The following OVCH1 variants were observed in gnomAD, a reference collection of about 807,000 sequenced individuals.
OVCH1 encodes the protein ovochymase-1.
OVCH1 carries 139 observed loss-of-function variants against 138.4 expected under a neutral mutation model. The ratio of observed to expected loss-of-function variants is 1.00; its 90% CI spans 0.87 to 1.16. The LOEUF (loss-of-function observed/expected upper bound fraction) is 1.16. OVCH1 is among the 50% of genes most tolerant of loss of function. OVCH1 has a pLI of 0.00. For missense variants in OVCH1, 1,367 were observed against 1,357.9 expected, an observed-to-expected ratio of 1.01 and a Z score of -0.11; for synonymous variants, 453 against 467.8, an observed-to-expected ratio of 0.97 and a Z score of 0.41.
At chr12:29,485,309 C>T (rs1338045417) in intron 8 of OVCH1, among the ~76,000 whole-genome samples, 3 of 133,284 alleles carry the variant, frequency 2.3e-5, no homozygotes, top group Non-Finnish European at 4.7e-5. Flanking sequence ...AGAACAAGAC[C>T]CAGTCTTTAA....
exon 26 of OVCH1, chr12:29,439,336 T>C: frequency 3.3e-6 from 5 of 1,525,028 alleles, no homozygotes; most frequent in Non-Finnish European, 4.4e-6. Flanking sequence ...ACCACTGAAT[T>C]TTCCCATATA....
intron 26 of OVCH1, chr12:29,433,905 G>A (rs1024353420): frequency 3.5e-5 from 40 of 1,138,530 alleles, no homozygotes; most frequent in Admixed American, 4.1e-5. Flanking sequence ...AAGGTAAAAT[G>A]GGCAGTAAAG....
At chr12:29,464,773 G>A (rs1942259759) in intron 17 of OVCH1, 71 bp from the exon 18 acceptor site, 1 of 1,343,144 alleles carries the variant, frequency 7.4e-7, no homozygotes, top group African/African-American at 1.5e-5. Context: ...CTTGTTGATG[G>A]TCCAAAATAA....
At chr12:29,479,677 T>C (rs1196611439) in intron 8 of OVCH1, among the ~76,000 whole-genome samples, 1 of 152,198 alleles carries the variant, frequency 6.6e-6, no homozygotes, top group Non-Finnish European at 1.5e-5. Context: ...CAGCAGTCTT[T>C]ACCTTAGACC....
At chr12:29,402,919 A>G in the OVCH1 span, among the ~76,000 whole-genome samples, 1 of 152,190 alleles carries the variant, frequency 6.6e-6, no homozygotes, top group Non-Finnish European at 1.5e-5. Flanking sequence ...CATTACAGAA[A>G]TATTTTGTGC....
chr12:29,443,947 C>T (rs563549226), intron 24 of OVCH1, among the ~76,000 whole-genome samples, 198 bp downstream of exon 24: 5 of 152,126 alleles, frequency 3.3e-5, no homozygotes, highest in Admixed American at 3.3e-4. Context: ...TGAGAAAGTA[C>T]AATTGATAAA....
At chr12:29,491,297 A>G in intron 4 of OVCH1, 105 bp from the exon 5 acceptor site, 3 of 937,556 alleles carry the variant, frequency 3.2e-6, no homozygotes, top group Non-Finnish European at 4.8e-6. Flanking sequence ...CTTTCTTCCT[A>G]AATGTAATGG....
In OVCH1 at chr12:29,490,346, C is replaced by G. The variant is rs941416338; in HGVS notation, c.551-575G>C. ...CTTCCTGCCTTGGCCTCCCAAAGTG[C>G]TAAGATTACAGGCGTGAGCCACTGC... On this transcript the variant is annotated intron_variant, in intron 5 of 27. Transcript: ENST00000318184. Among the ~76,000 whole-genome samples, 7 of 152,208 alleles carry G rather than the reference C, an allele frequency of 4.6e-5. No individual in the cohort carries two copies. In the South Asian group the frequency reaches 8.3e-4, roughly 18 times the overall value.
intron 25 of OVCH1, among the ~76,000 whole-genome samples, 92 bp downstream of exon 26, chr12:29,439,761 C>G (rs1382673952): frequency 3.9e-5 from 6 of 152,222 alleles, no homozygotes; most frequent in Non-Finnish European, 7.3e-5. Context: ...GTGCTACTGA[C>G]TGCCCAGCAA....
intron 27 of OVCH1, among the ~76,000 whole-genome samples, chr12:29,429,239 T>TA (rs571357611): frequency 8.0e-4 from 122 of 152,344 alleles, no homozygotes; most frequent in African/African-American, 2.7e-3. Flanking sequence ...TAAAATCCTT[T>TA]AAAACATATG....
At chr12:29,450,493 G>A (rs193056801) in intron 22 of OVCH1, among the ~76,000 whole-genome samples, 1 of 152,156 alleles carries the variant, frequency 6.6e-6, no homozygotes, top group Admixed American at 6.6e-5. Flanking sequence ...TTAGAATGGC[G>A]ATTATTAAAA....
chr12:29,495,781 TTTCTC>T (rs1189848150), intron 3 of OVCH1, among the ~76,000 whole-genome samples: 1 of 152,224 alleles, frequency 6.6e-6, no homozygotes, highest in African/African-American at 2.4e-5. Flanking sequence ...TGTTCCTTCT[TTTCTC>T]TTATTAGTAC....
intron 18 of OVCH1, 32 bp downstream of exon 18, chr12:29,464,475 C>G: frequency 6.2e-7 from 1 of 1,603,822 alleles, no homozygotes; most frequent in South Asian, 1.1e-5. Flanking sequence ...TAACAACTGG[C>G]ATTAATGTTT....
At chr12:29,493,759 T>C (rs372297007) in intron 4 of OVCH1, among the ~76,000 whole-genome samples, 8 of 152,346 alleles carry the variant, frequency 5.3e-5, no homozygotes, top group African/African-American at 1.9e-4. Context: ...TGCTTTAAAC[T>C]TTAATATACT....
chr12:29,437,615 TAGTA>T (rs2135911873), intron 26 of OVCH1, among the ~76,000 whole-genome samples: 1 of 152,264 alleles, frequency 6.6e-6, no homozygotes, highest in African/African-American at 2.4e-5. Flanking sequence ...TCCTAAGAAC[TAGTA>T]TGCTTTCCAT....
the OVCH1 span, among the ~76,000 whole-genome samples, chr12:29,406,213 G>C: frequency 6.6e-6 from 1 of 152,042 alleles, no homozygotes; most frequent in Non-Finnish European, 1.5e-5. Flanking sequence ...AAAATCACTA[G>C]ATATTCTTCA....
chr12:29,446,172 A>G (rs1335600913), intron 22 of OVCH1, among the ~76,000 whole-genome samples: 5 of 152,074 alleles, frequency 3.3e-5, no homozygotes, highest in Admixed American at 3.3e-4. Flanking sequence ...GTAAGGGCAG[A>G]AAATTTTATT....
At chr12:29,451,476 C>A in exon 22 of OVCH1, 1 of 1,613,312 alleles carries the variant, frequency 6.2e-7, no homozygotes, top group East Asian at 2.2e-5. Context: ...TCTGAGCACC[C>A]AAGAACATTC....
At chr12:29,436,642 A>T (rs1941365853) in intron 26 of OVCH1, among the ~76,000 whole-genome samples, 1 of 152,176 alleles carries the variant, frequency 6.6e-6, no homozygotes, top group African/African-American at 2.4e-5. Flanking sequence ...AGATGTGTCC[A>T]GAGTTTCTTC....
Sources: gnomAD v4.1 joint callset for allele counts (sites outside exome capture counted in the v4.1 genomes callset) on GRCh38, gnomAD v4.1.1 for gene constraint, MANE v1.5 for transcripts, NCBI Gene and HGNC (gene_info 2026-07-23, HGNC 2026-07-21) for gene names.